ABCA5: variants seen among roughly 807,000 people sequenced by gnomAD.
ABCA5 encodes cholesterol transporter ABCA5.
In ABCA5, 163 loss-of-function variants were observed where a neutral mutation model predicts 206.0. The ratio of observed to expected loss-of-function variants is 0.79; its 90% CI spans 0.70 to 0.90. The LOEUF is 0.90. Ranked by LOEUF, ABCA5 falls within the 40% of genes least tolerant of loss-of-function variation. The pLI, the probability that ABCA5 is intolerant of heterozygous loss-of-function variation, is 0.00. For synonymous variants in ABCA5, 609 were observed against 613.8 expected (o/e 0.99, Z 0.11); for missense variants, 1,859 against 1,912.9 (o/e 0.97, Z 0.53).
intron 14 of ABCA5, among the ~76,000 whole-genome samples, chr17:69,288,006 C>A (rs1380846514): frequency 1.3e-5 from 2 of 152,010 alleles, no homozygotes; most frequent in Non-Finnish European, 2.9e-5. Flanking sequence ...AACAGTCAGA[C>A]AAACAAACTA....
At chr17:69,279,749 C>T (rs2039933266) in intron 18 of ABCA5, among the ~76,000 whole-genome samples, 1 of 152,118 alleles carries the variant, frequency 6.6e-6, no homozygotes, top group South Asian at 2.1e-4. Flanking sequence ...ACTATCTGAT[C>T]TTTGACAAAC....
chr17:69,254,547 T>G, intron 31 of ABCA5, 57 bp from the exon 32 acceptor site: 1 of 1,436,602 alleles, frequency 7.0e-7, no homozygotes, highest in African/African-American at 1.4e-5. Context: ...GTGAAGGAAG[T>G]GGCAAGTACA....
At chr17:69,318,334 A>C (rs2075834567) in intron 1 of ABCA5, among the ~76,000 whole-genome samples, 1 of 152,080 alleles carries the variant, frequency 6.6e-6, no homozygotes, top group Non-Finnish European at 1.5e-5. Context: ...ACCTCAGGTG[A>C]TCCATCTGCC....
chr17:69,255,942 A>G (rs1183995350), intron 29 of ABCA5, 92 bp from the exon 30 acceptor site: 3 of 1,166,142 alleles, frequency 2.6e-6, no homozygotes, highest in Non-Finnish European at 3.5e-6. Context: ...TACAAAAATT[A>G]TATTGGCTAA....
Position 69,261,246 on chromosome 17 carries a change from C to T in ABCA5, c.3443G>A (p.Cys1148Tyr), listed in dbSNP as rs746196331. 1.3e-6 allele frequency: 2 copies of T among 1,593,760 alleles called. No individual in the cohort carries two copies. Among genetic ancestry groups the T allele is most frequent in the Admixed American group, 1.8e-5 (1 of 56,414 alleles). Residue 1148 changes from cysteine (C) to tyrosine (Y), a missense_variant, in exon 26 of 39, where the codon TGT becomes TAT. By Grantham distance (194) the Cys-to-Tyr change is radical. Coordinates refer to ENST00000392676, the MANE Select transcript of ABCA5 (RefSeq NM_172232.4). ...GAAAGTTATTTCAGTGATTGCAATA[C>T]AAGCCAACGCTGCCTAAAGAAAAAA... Reference protein sequence around the residue: ...SFIYSVAALACIAITEITFFM... With the variant: ...SFIYSVAALAYIAITEITFFM...
chr17:69,306,267 G>A (rs1421656471), intron 6 of ABCA5, among the ~76,000 whole-genome samples: 1 of 152,058 alleles, frequency 6.6e-6, no homozygotes, highest in East Asian at 1.9e-4. Flanking sequence ...GGGAAAAAAA[G>A]TCCATATACC....
chr17:69,311,193 AAAG>A (rs574554625), intron 3 of ABCA5, among the ~76,000 whole-genome samples: 99 of 151,818 alleles, frequency 6.5e-4, no homozygotes, highest in African/African-American at 2.2e-3. Context: ...ATCTCAAACA[AAAG>A]AAGAAAAAGA....
At chr17:69,252,309 G>A (rs2075024445) in intron 34 of ABCA5, among the ~76,000 whole-genome samples, 2 of 151,994 alleles carry the variant, frequency 1.3e-5, no homozygotes, top group Non-Finnish European at 2.9e-5. Context: ...CACTGCGCCA[G>A]GCCATGACTT....
intron 23 of ABCA5, among the ~76,000 whole-genome samples, chr17:69,266,925 A>T (rs2075215869): frequency 6.6e-6 from 1 of 151,628 alleles, no homozygotes; most frequent in Non-Finnish European, 1.5e-5. Context: ...CCCAGGCTGG[A>T]GTGCAATGGC....
intron 1 of ABCA5, chr17:69,317,315 G>C (rs912367799): frequency 2.1e-5 from 3 of 144,862 alleles, no homozygotes; most frequent in African/African-American, 7.6e-5. Context: ...AGGCAGAATT[G>C]CTTAAATCTG....
intron 32 of ABCA5, 45 bp from the exon 33 acceptor site, chr17:69,253,914 A>C: frequency 6.8e-7 from 1 of 1,461,508 alleles, no homozygotes; most frequent in Non-Finnish European, 9.5e-7. Context: ...GATATATATA[A>C]ACACAAATAC....
At chr17:69,314,773 A>C in intron 1 of ABCA5, 2 of 184,000 alleles carry the variant, frequency 1.1e-5, no homozygotes, top group Non-Finnish European at 2.2e-5. Flanking sequence ...CTTAATGCTC[A>C]GGGAGAATGT....
Position 69,275,078 on chromosome 17 carries a change from A to G in ABCA5, c.2595-950T>C, listed in dbSNP as rs1402937979. ...AGACTGGTCTCAAACTCCTGGCCTC[A>G]AGTGATCCAGCTGCTGCAGCCTTCC... On this transcript the variant is annotated intron_variant, in intron 19 of 38. Transcript: ENST00000392676. Among the ~76,000 whole-genome samples the G allele has an allele frequency of 2.0e-5, 3 of 152,146 alleles. No homozygotes were observed. In the East Asian group the frequency reaches 5.8e-4, roughly 29 times the overall value.
chr17:69,301,373 C>A, intron 8 of ABCA5, 87 bp from the exon 9 acceptor site: 1 of 1,149,634 alleles, frequency 8.7e-7, no homozygotes, highest in Non-Finnish European at 1.2e-6. Flanking sequence ...TTAGCATATC[C>A]AGAGTGATAG....
intron 11 of ABCA5, among the ~76,000 whole-genome samples, chr17:69,293,862 GTGTGTGTGTGCGTGTGTGTGTGTT>G (rs1237450737): frequency 1.0e-4 from 11 of 105,862 alleles, no homozygotes; most frequent in Non-Finnish European, 1.7e-4. Flanking sequence ...GTGTGTGTGT[GTGTGTGTGTGCGTGTGTGTGTGTT>G]TGTGTGTGTG....
chr17:69,287,453 C>T (rs933942757), intron 15 of ABCA5, among the ~76,000 whole-genome samples, 160 bp downstream of exon 15: 1 of 152,104 alleles, frequency 6.6e-6, no homozygotes, highest in Non-Finnish European at 1.5e-5. Flanking sequence ...ATTCTCAACA[C>T]AAAAATGTAT....
rs201254374 is a variant in ABCA5 at position 69,251,732 on chromosome 17, T to C, written c.4535+15A>G. On this transcript the variant is annotated intron_variant, in intron 35 of 38. Coordinates refer to ENST00000392676, the MANE Select transcript of ABCA5 (RefSeq NM_172232.4). ...CAACCTCTTCCCCTGAATGGCACGC[T>C]ATTTAGACATCAACCTTAACTGCCC... is the stretch of plus-strand genomic sequence containing the variant. The C allele has an allele frequency of 1.8e-5, 29 of 1,606,190 alleles. No homozygotes were observed. The highest frequency in any genetic ancestry group is 2.5e-5 in the Non-Finnish European group (29 of 1,178,242).
intron 18 of ABCA5, among the ~76,000 whole-genome samples, chr17:69,279,804 T>C (rs1229213871): frequency 6.6e-6 from 1 of 152,204 alleles, no homozygotes; most frequent in African/African-American, 2.4e-5. Context: ...ATTTAATAAA[T>C]GGTGCTGGGA....
Position 69,289,865 on chromosome 17 carries a change from T to C in ABCA5, c.1779A>G (p.Gln593=), listed in dbSNP as rs1200128963. ...GATTTCTATATGAATAGCATACTTC[T>C]TGTATTATATTGTTGGCTGGTATCC... ...IKGIPANNII[Q]EVQKVLLDLD... The change falls in exon 13 of 39, where the codon CAA becomes CAG. Residue 593 remains glutamine, a synonymous_variant. Transcript: ENST00000392676. The C allele has an allele frequency of 1.3e-6, 2 of 1,598,252 alleles. No homozygotes were observed. The highest frequency in any genetic ancestry group is 1.7e-5 in the Admixed American group (1 of 57,472).
Sources: allele counts gnomAD v4.1 joint callset (sites outside exome capture counted in the v4.1 genomes callset), GRCh38; gene constraint gnomAD v4.1.1; transcripts MANE v1.5; gene names NCBI Gene and HGNC (gene_info 2026-07-23, HGNC 2026-07-21).